Variants in ARHGEF26 observed in about 807,000 individuals in gnomAD.
The protein encoded by ARHGEF26 is Rho guanine nucleotide exchange factor 26, also known as Rho guanine nucleotide exchange factor (GEF) 26.
Under a neutral mutation model 89.4 loss-of-function variants are expected in ARHGEF26, and 59 were observed. The observed-to-expected ratio is 0.66, with a 90% CI of 0.54 to 0.82. The LOEUF (loss-of-function observed/expected upper bound fraction) is 0.82, where lower values mean the gene tolerates loss of function less well. ARHGEF26 is among the 40% of genes least tolerant of loss of function. The pLI is 0.00. For synonymous variants in ARHGEF26, 500 were observed against 428.4 expected, an observed-to-expected ratio of 1.17 and a Z score of -2.06; for missense variants, 1,234 against 1,085.6, an observed-to-expected ratio of 1.14 and a Z score of -1.92.
At chr3:154,138,869 C>T (rs987891378) in intron 4 of ARHGEF26, among the ~76,000 whole-genome samples, 2 of 152,202 alleles carry the variant, frequency 1.3e-5, no homozygotes, top group African/African-American at 2.4e-5. Context: ...CATTCATGTC[C>T]TTGTAAACAA....
chr3:154,142,364 A>G (rs1180600913), intron 4 of ARHGEF26, among the ~76,000 whole-genome samples: 3 of 152,104 alleles, frequency 2.0e-5, no homozygotes, highest in Non-Finnish European at 4.4e-5. Context: ...CACTGCGCCC[A>G]GCCAATAAAG....
intron 11 of ARHGEF26, among the ~76,000 whole-genome samples, chr3:154,234,970 T>A (rs112126680): frequency 3.2e-4 from 49 of 152,148 alleles, no homozygotes; most frequent in Non-Finnish European, 4.9e-4. Context: ...CACCGTGTTA[T>A]CCAGGATGGT....
chr3:154,213,499 CT>C (rs1715526509), intron 9 of ARHGEF26, among the ~76,000 whole-genome samples: 1 of 152,132 alleles, frequency 6.6e-6, no homozygotes, highest in African/African-American at 2.4e-5. Flanking sequence ...TTTGGTCTGA[CT>C]TCTGAAGCAC....
chr3:154,242,434 T>C (rs933970271), intron 12 of ARHGEF26, among the ~76,000 whole-genome samples: 2 of 152,118 alleles, frequency 1.3e-5, no homozygotes, highest in Admixed American at 1.3e-4. Flanking sequence ...GCAATGGAAA[T>C]AGCGAGAGAA....
At chr3:154,184,271 C>G (rs1713379000) in intron 6 of ARHGEF26, among the ~76,000 whole-genome samples, 1 of 152,182 alleles carries the variant, frequency 6.6e-6, no homozygotes, top group Admixed American at 6.5e-5. Flanking sequence ...CGTGCCCGGC[C>G]TTTCAATTTT....
chr3:154,184,382 A>T (rs1713387164), intron 6 of ARHGEF26, among the ~76,000 whole-genome samples: 1 of 152,234 alleles, frequency 6.6e-6, no homozygotes, highest in Non-Finnish European at 1.5e-5. Flanking sequence ...AAATAGTCTT[A>T]ACTATATAGT....
At chr3:154,249,282 G>A (rs1717978459) in intron 12 of ARHGEF26, among the ~76,000 whole-genome samples, 1 of 152,112 alleles carries the variant, frequency 6.6e-6, no homozygotes, top group African/African-American at 2.4e-5. Context: ...TGTAGCTGAT[G>A]CCTGGTATTC....
At chr3:154,178,797 C>T (rs941400251) in intron 6 of ARHGEF26, among the ~76,000 whole-genome samples, 17 of 152,080 alleles carry the variant, frequency 1.1e-4, no homozygotes, top group African/African-American at 2.9e-4. Flanking sequence ...GAAGAACTGC[C>T]GGCCTCTTCT....
At chr3:154,226,695 A>ACACACACACACACACACC (rs1553750133) in intron 11 of ARHGEF26, among the ~76,000 whole-genome samples, 1 of 125,966 alleles carries the variant, frequency 7.9e-6, no homozygotes, top group Non-Finnish European at 1.8e-5. Context: ...ACACACACAC[A>ACACACACACACACACACC]CCCCTTCAGC....
At chr3:154,192,765 T>C (rs1714029710) in intron 8 of ARHGEF26, among the ~76,000 whole-genome samples, 1 of 152,214 alleles carries the variant, frequency 6.6e-6, no homozygotes, top group Admixed American at 6.5e-5. Flanking sequence ...AAATACAACA[T>C]TTCTTGTAAT....
At chr3:154,184,719 G>C (rs1033600052) in intron 6 of ARHGEF26, among the ~76,000 whole-genome samples, 1 of 152,158 alleles carries the variant, frequency 6.6e-6, no homozygotes, top group East Asian at 1.9e-4. Context: ...TAACCGGCCT[G>C]CTTGCCATCT....
chr3:154,230,354 A>G (rs1270095779), intron 11 of ARHGEF26, among the ~76,000 whole-genome samples: 1 of 152,244 alleles, frequency 6.6e-6, no homozygotes, highest in Non-Finnish European at 1.5e-5. Flanking sequence ...CAGCAGAGCC[A>G]GGATTCTAAT....
intron 8 of ARHGEF26, among the ~76,000 whole-genome samples, chr3:154,194,256 T>C (rs939250801): frequency 9.2e-5 from 14 of 152,182 alleles, no homozygotes; most frequent in African/African-American, 3.4e-4. Flanking sequence ...ATAAAGAACT[T>C]TACATAAATT....
chr3:154,195,627 T>C lies in ARHGEF26; in HGVS notation c.1845+909T>C, dbSNP rs368181821. On this transcript the variant is annotated intron_variant, in intron 9 of 14. Transcript: ENST00000465093. The stretch of plus-strand genomic sequence containing the variant: ...GGCTTGGGCAGCGAGGTAGATGCTC[T>C]TCCTTCATCTACGATAGAAACATAG... 3.6e-4 allele frequency among the ~76,000 whole-genome samples: 55 copies of C among 152,340 alleles called. 1 individual carries two copies. The highest frequency in any genetic ancestry group is 1.2e-3 in the African/African-American group (50 of 41,572).
chr3:154,131,633 A>T (rs1718687336), intron 4 of ARHGEF26, among the ~76,000 whole-genome samples: 1 of 152,196 alleles, frequency 6.6e-6, no homozygotes. Flanking sequence ...AGGATCCAGG[A>T]GAAGAAAGAA....
At chr3:154,176,053 G>A (rs371053080) in intron 6 of ARHGEF26, among the ~76,000 whole-genome samples, 15 of 152,314 alleles carry the variant, frequency 9.8e-5, no homozygotes, top group South Asian at 6.2e-4. Flanking sequence ...TATTGTTACC[G>A]TGGCAGGGCC....
chr3:154,173,942 T>C (rs1712633406), intron 6 of ARHGEF26, among the ~76,000 whole-genome samples: 1 of 152,234 alleles, frequency 6.6e-6, no homozygotes, highest in African/African-American at 2.4e-5. Flanking sequence ...ATTTCTTAAA[T>C]GCCTTGTCAT....
At chr3:154,244,355 G>T (rs972262628) in intron 12 of ARHGEF26, among the ~76,000 whole-genome samples, 2 of 152,146 alleles carry the variant, frequency 1.3e-5, no homozygotes, top group African/African-American at 4.8e-5. Context: ...CTTTGATTAC[G>T]TAAAGAATGC....
chr3:154,180,035 G>T (rs1034750573), intron 6 of ARHGEF26, among the ~76,000 whole-genome samples: 6 of 152,048 alleles, frequency 3.9e-5, no homozygotes, highest in Admixed American at 3.9e-4. Context: ...AGTCACTTTT[G>T]TATCGTGGCT....
Sources: gnomAD v4.1 joint callset for allele counts (sites outside exome capture counted in the v4.1 genomes callset) on GRCh38, gnomAD v4.1.1 for gene constraint, MANE v1.5 for transcripts, NCBI Gene and HGNC (gene_info 2026-07-23, HGNC 2026-07-21) for gene names.